Variants in GRIK4 observed in about 807,000 individuals in gnomAD.
GRIK4 encodes glutamate ionotropic receptor kainate type subunit 4.
A neutral mutation model predicts 104.9 loss-of-function variants in GRIK4; 40 were observed. The observed-to-expected ratio is 0.38, with a 90% CI of 0.30 to 0.50. The LOEUF is 0.50. Ranked by LOEUF, GRIK4 falls within the 20% of genes least tolerant of loss-of-function variation. GRIK4 has a pLI of 0.93. For synonymous variants in GRIK4, 485 were observed against 524.9 expected, an observed-to-expected ratio of 0.92 and a Z score of 1.04; for missense variants, 1,047 against 1,308.1, an observed-to-expected ratio of 0.80 and a Z score of 3.08.
chr11:120,962,316 G>C (rs1226742225), intron 17 of GRIK4, 140 bp from the exon 18 acceptor site: 1 of 615,120 alleles, frequency 1.6e-6, no homozygotes, highest in African/African-American at 1.8e-5. Context: ...GAGACAGAAA[G>C]GGAAAAGGTT....
chr11:120,738,734 G>A (rs769041077), intron 3 of GRIK4, among the ~76,000 whole-genome samples: 16 of 152,306 alleles, frequency 1.1e-4, no homozygotes, highest in Admixed American at 7.8e-4. Flanking sequence ...GATCAAAGCC[G>A]TCAGCTGGGA....
At chr11:120,894,308 G>T (rs767162766) in intron 11 of GRIK4, 2 of 152,192 alleles carry the variant, frequency 1.3e-5, no homozygotes, top group East Asian at 1.9e-4. Context: ...GAGGGATTCG[G>T]TAACTTACCC....
At chr11:120,654,063 T>C (rs1008385523) in intron 2 of GRIK4, among the ~76,000 whole-genome samples, 5 of 152,230 alleles carry the variant, frequency 3.3e-5, no homozygotes, top group African/African-American at 1.2e-4. Context: ...CAGCTCTGTC[T>C]AGGTGGGGAC....
intron 19 of GRIK4, among the ~76,000 whole-genome samples, chr11:120,977,909 T>A (rs1944587807): frequency 6.6e-6 from 1 of 152,196 alleles, no homozygotes; most frequent in Non-Finnish European, 1.5e-5. Flanking sequence ...TCAGTCCCCT[T>A]TAGCCATCAC....
intron 1 of GRIK4, among the ~76,000 whole-genome samples, chr11:120,641,189 A>G (rs1029319668): frequency 2.0e-5 from 3 of 152,204 alleles, no homozygotes; most frequent in Admixed American, 1.3e-4. Flanking sequence ...AAGTGTCTGT[A>G]TTGTATTTGA....
At chr11:120,804,334 G>A (rs1001901314) in intron 4 of GRIK4, among the ~76,000 whole-genome samples, 6 of 152,176 alleles carry the variant, frequency 3.9e-5, no homozygotes, top group African/African-American at 1.2e-4. Context: ...GGGCTGTTAG[G>A]GTTTCAAGAA....
chr11:120,983,896 C>T (rs1192019959), intron 20 of GRIK4, among the ~76,000 whole-genome samples: 1 of 152,156 alleles, frequency 6.6e-6, no homozygotes, highest in Non-Finnish European at 1.5e-5. Flanking sequence ...AGTATTGTCA[C>T]ATGTAATAGA....
At chr11:120,657,517 A>G (rs75191634) in intron 2 of GRIK4, among the ~76,000 whole-genome samples, 1,826 of 152,288 alleles carry the variant, frequency 0.012, 37 homozygotes, top group African/African-American at 0.039. Context: ...TGCACCTATT[A>G]TGTATAAATA....
At chr11:120,796,442 A>G (rs1399864937) in intron 3 of GRIK4, among the ~76,000 whole-genome samples, 1 of 152,188 alleles carries the variant, frequency 6.6e-6, no homozygotes, top group Non-Finnish European at 1.5e-5. Flanking sequence ...AGGTACAGAT[A>G]GAAGGATAAA....
chr11:120,621,142 A>G (rs10502239), intron 1 of GRIK4, among the ~76,000 whole-genome samples: 10,905 of 152,272 alleles, frequency 0.072, 1,328 homozygotes, highest in African/African-American at 0.24. Context: ...TCTGTGAAGT[A>G]AGAAAGGAAC....
Position 120,967,022 on chromosome 11 carries a change from A to C in GRIK4, c.2267-173A>C, listed in dbSNP as rs893787504. ...TGCCCCGCTCTTCCGGGGGAGCCCCAGTGGAGTAGACAGCACTGGCCCCAT... is the reference window on the plus strand; with the variant it reads ...TGCCCCGCTCTTCCGGGGGAGCCCCCGTGGAGTAGACAGCACTGGCCCCAT... On this transcript the variant is annotated intron_variant, in intron 18 of 20. Transcript: ENST00000527524. This position sits in a 1 kb window ranked among gnomAD's most constrained non-coding sequence, Gnocchi z 4.2. Among the ~76,000 whole-genome samples the C allele has an allele frequency of 2.3e-4, 35 of 152,174 alleles. No homozygotes were observed. The highest frequency in any genetic ancestry group is 2.2e-3 in the Admixed American group (33 of 15,284).
At chr11:120,757,839 A>C (rs979800651) in intron 3 of GRIK4, among the ~76,000 whole-genome samples, 1 of 152,130 alleles carries the variant, frequency 6.6e-6, no homozygotes, top group Non-Finnish European at 1.5e-5. Context: ...CACCCCGCAC[A>C]GGGTGTGTTG....
intron 19 of GRIK4, among the ~76,000 whole-genome samples, chr11:120,975,667 C>A (rs1944549767): frequency 6.6e-6 from 1 of 152,184 alleles, no homozygotes; most frequent in Non-Finnish European, 1.5e-5. Context: ...CACACGTAGA[C>A]CCCCTCACCT....
chr11:120,851,479 G>A (rs1205112433), intron 8 of GRIK4, among the ~76,000 whole-genome samples: 2 of 152,186 alleles, frequency 1.3e-5, no homozygotes, highest in Non-Finnish European at 2.9e-5. Context: ...GCCATGCCGT[G>A]TAATTAACTA....
At chr11:120,598,012 A>G (rs556246280) in intron 1 of GRIK4, among the ~76,000 whole-genome samples, 1 of 152,292 alleles carries the variant, frequency 6.6e-6, no homozygotes, top group South Asian at 2.1e-4. Flanking sequence ...CAGAGAGATT[A>G]AAAACTAAGT....
chr11:120,837,496 A>T (rs1953603919), intron 8 of GRIK4, among the ~76,000 whole-genome samples: 1 of 152,206 alleles, frequency 6.6e-6, no homozygotes, highest in Non-Finnish European at 1.5e-5. Context: ...ATTGTTGGGC[A>T]TCTTCATGGT....
intron 3 of GRIK4, among the ~76,000 whole-genome samples, chr11:120,780,839 T>G (rs1952142373): frequency 6.6e-6 from 1 of 152,156 alleles, no homozygotes; most frequent in South Asian, 2.1e-4. Context: ...CCTCCCAGGT[T>G]CACACCATTC....
At chr11:120,600,433 G>A (rs1422922896) in intron 1 of GRIK4, among the ~76,000 whole-genome samples, 1 of 152,198 alleles carries the variant, frequency 6.6e-6, no homozygotes, top group East Asian at 1.9e-4. Context: ...CCTTTCAGAG[G>A]CAGTGCCTGA....
chr11:120,949,629 A>C (rs190492396), intron 14 of GRIK4, among the ~76,000 whole-genome samples: 21 of 152,166 alleles, frequency 1.4e-4, no homozygotes, highest in African/African-American at 5.1e-4. Flanking sequence ...GTAGGTTGAG[A>C]GTTTGCTGGC....
Sources: gnomAD v4.1 joint callset for allele counts (sites outside exome capture counted in the v4.1 genomes callset) on GRCh38, gnomAD v4.1.1 for gene constraint, Gnocchi (gnomAD v3.1) non-coding constraint, MANE v1.5 for transcripts, NCBI Gene and HGNC (gene_info 2026-07-23, HGNC 2026-07-21) for gene names.